The following WDFY4 variants were observed in gnomAD, a reference collection of about 807,000 sequenced individuals.
The protein encoded by WDFY4 is WDFY family member 4.
Under a neutral mutation model 351.9 loss-of-function variants are expected in WDFY4, and 169 were observed. The ratio of observed to expected loss-of-function variants is 0.48; its 90% CI spans 0.42 to 0.55. The LOEUF is 0.55. WDFY4 is among the 20% of genes least tolerant of loss of function. The pLI is 0.00. For synonymous variants in WDFY4, 1,622 were observed against 1,574.6 expected (o/e 1.03, Z -0.71); for missense variants, 3,803 against 3,935.6 (o/e 0.97, Z 0.90).
intron 39 of WDFY4, among the ~76,000 whole-genome samples, chr10:48,864,372 T>C (rs561629531): frequency 6.6e-6 from 1 of 152,352 alleles, no homozygotes; most frequent in South Asian, 2.1e-4. Context: ...GGCACCTTTG[T>C]AAAGAATTAA....
rs564883628 is a variant in WDFY4, at chr10:48,765,703, GC to G, written c.2553+5269del. Among the ~76,000 whole-genome samples, 290 of 152,270 alleles carry G rather than the reference GC, an allele frequency of 1.9e-3. 1 individual carries two copies. Among genetic ancestry groups the G allele is most frequent in the African/African-American group, 6.6e-3 (274 of 41,540 alleles). On this transcript the variant is annotated intron_variant, in intron 13 of 61. Transcript: ENST00000325239. ...GCCTGACCTGAGGACTGGACCTCCT[GC>G]CCCCCACCAAGTTACCTTTCTCATA...
At chr10:48,895,321 G>C (rs971114472) in intron 44 of WDFY4, among the ~76,000 whole-genome samples, 14 of 152,194 alleles carry the variant, frequency 9.2e-5, no homozygotes, top group African/African-American at 3.4e-4. Context: ...ATTGTAGGCT[G>C]GGCCTTGGGG....
At position 48,723,227 on chromosome 10, in the gene WDFY4, A is replaced by G. The variant is rs149374290; in HGVS notation, c.457-206A>G. On this transcript the variant is annotated intron_variant, in intron 4 of 61. Coordinates refer to ENST00000325239, the MANE Select transcript of WDFY4 (RefSeq NM_001394531.1). ...GAATCTTATAAAGGAGCTATAGAGC[A>G]CATAGTAAGCACTTTATATAAACTT... Among the ~76,000 whole-genome samples the G allele has an allele frequency of 8.8e-3, 1,291 of 147,488 alleles. 17 individuals are homozygous for G. The highest frequency in any genetic ancestry group is 0.031 in the African/African-American group (1,233 of 39,744).
intron 51 of WDFY4, 84 bp from the exon 52 acceptor site, chr10:48,957,045 G>C (rs1250918554): frequency 9.4e-6 from 14 of 1,490,704 alleles, no homozygotes; most frequent in Admixed American, 2.0e-5. Flanking sequence ...TGGAACCCGT[G>C]CCTCTGAGGC....
At chr10:48,733,708 G>A (rs1339176238) in intron 9 of WDFY4, among the ~76,000 whole-genome samples, 1 of 152,160 alleles carries the variant, frequency 6.6e-6, no homozygotes, top group Non-Finnish European at 1.5e-5. Flanking sequence ...GGGGCTCCGG[G>A]TTTTAACAAA....
intron 47 of WDFY4, among the ~76,000 whole-genome samples, chr10:48,927,831 G>A (rs946582243): frequency 1.3e-5 from 2 of 152,138 alleles, no homozygotes; most frequent in Admixed American, 1.3e-4. Flanking sequence ...TGTAATTCTG[G>A]ATGTACTCTG....
intron 24 of WDFY4, among the ~76,000 whole-genome samples, chr10:48,801,322 G>C (rs2067082331): frequency 6.6e-6 from 1 of 152,222 alleles, no homozygotes; most frequent in African/African-American, 2.4e-5. Flanking sequence ...GTTCTGGAAA[G>C]GAAATGTGAG....
intron 5 of WDFY4, among the ~76,000 whole-genome samples, chr10:48,725,157 G>C (rs2064223590): frequency 6.6e-6 from 1 of 152,000 alleles, no homozygotes; most frequent in Non-Finnish European, 1.5e-5. Context: ...GGGACCTACA[G>C]CTGTGGTCCA....
intron 49 of WDFY4, among the ~76,000 whole-genome samples, chr10:48,943,895 T>C (rs2133770359): frequency 6.6e-6 from 1 of 152,318 alleles, no homozygotes; most frequent in Middle Eastern, 3.4e-3. Context: ...GTGCCCGGCC[T>C]CAGATCTCTT....
intron 15 of WDFY4, 61 bp downstream of exon 15, chr10:48,775,867 G>C: frequency 1.4e-6 from 2 of 1,425,442 alleles, no homozygotes; most frequent in Middle Eastern, 1.7e-4. Flanking sequence ...AGGCATTCCT[G>C]CTGAGGGATC....
chr10:48,913,508 G>T, intron 47 of WDFY4: 1 of 1,613,880 alleles, frequency 6.2e-7, no homozygotes, highest in Non-Finnish European at 8.5e-7. Flanking sequence ...TGTCCCGGGC[G>T]TTTTGGCATT....
intron 42 of WDFY4, among the ~76,000 whole-genome samples, chr10:48,876,556 C>T (rs578126849): frequency 2.6e-5 from 4 of 152,270 alleles, no homozygotes; most frequent in Admixed American, 2.6e-4. Flanking sequence ...TCTCTGGGTG[C>T]ATGGGTGAGA....
chr10:48,779,804 C>A, intron 18 of WDFY4, 137 bp from the exon 19 acceptor site: 1 of 849,940 alleles, frequency 1.2e-6, no homozygotes, highest in Non-Finnish European at 1.8e-6. Context: ...CTGCTGTTGT[C>A]ATTTTTCATG....
intron 7 of WDFY4, among the ~76,000 whole-genome samples, chr10:48,728,943 G>T (rs1288945389): frequency 2.0e-5 from 3 of 152,222 alleles, no homozygotes; most frequent in Non-Finnish European, 2.9e-5. Flanking sequence ...CTCTGGAAAT[G>T]GCAGGGCTGG....
chr10:48,977,054 G>T, intron 59 of WDFY4, 75 bp downstream of exon 59: 2 of 1,300,182 alleles, frequency 1.5e-6, no homozygotes, highest in South Asian at 2.5e-5. Context: ...CTTCCTCCAG[G>T]GGGCCAAACC....
In WDFY4 at chr10:48,787,903, CT is replaced by C. The variant is rs1565198607; in HGVS notation, c.3809-625del. 2.8e-3 allele frequency among the ~76,000 whole-genome samples: 81 copies of C among 29,176 alleles called. 3 individuals are homozygous for C. Among genetic ancestry groups the C allele is most frequent in the African/African-American group, 0.014 (69 of 5,090 alleles). The allele number at this position is 29,176 out of a possible 152,430, so 19.1% of individuals were successfully genotyped here. ...CTTTCTTCTTCTTCTCCTTCTTCTT[CT>C]TCTTCTTCTTCTTCTTCTTCTTCTT... On this transcript the variant is annotated intron_variant, in intron 20 of 61. Coordinates refer to ENST00000325239, the MANE Select transcript of WDFY4 (RefSeq NM_001394531.1).
intron 39 of WDFY4, among the ~76,000 whole-genome samples, chr10:48,846,466 G>A (rs576852567): frequency 1.2e-4 from 18 of 152,174 alleles, no homozygotes; most frequent in South Asian, 1.0e-3. Context: ...GCCTTGTTCC[G>A]TGCCCATCTT....
chr10:48,690,089 C>A (rs909439717), intron 1 of WDFY4, among the ~76,000 whole-genome samples: 5 of 152,214 alleles, frequency 3.3e-5, no homozygotes, highest in Admixed American at 3.3e-4. Context: ...TGGTTCTTCC[C>A]TTTTGGCTGA....
At chr10:48,901,969 C>A in intron 47 of WDFY4, 106 bp downstream of exon 47, 1 of 1,011,968 alleles carries the variant, frequency 9.9e-7, no homozygotes, top group Non-Finnish European at 1.5e-6. Context: ...GCATGCCCAA[C>A]AGTTTCCCTC....
Sources: allele counts gnomAD v4.1 joint callset (sites outside exome capture counted in the v4.1 genomes callset), GRCh38; gene constraint gnomAD v4.1.1; transcripts MANE v1.5; gene names NCBI Gene and HGNC (gene_info 2026-07-23, HGNC 2026-07-21).